The following RNLS variants were observed in gnomAD, a reference collection of about 807,000 sequenced individuals.
The protein encoded by RNLS is renalase.
Under a neutral mutation model 39.8 loss-of-function variants are expected in RNLS, and 39 were observed. That is an observed-to-expected ratio of 0.98 (90% confidence interval 0.76 to 1.28). RNLS has a LOEUF of 1.28. Among genes scored for constraint, RNLS ranks in the 50% most tolerant of loss-of-function variants. The probability of loss-of-function intolerance (pLI) is 0.00; values close to 1 mark genes in which losing one functional copy is unlikely to be tolerated. For missense variants in RNLS, 410 were observed against 413.3 expected (o/e 0.99, Z 0.07); for synonymous variants, 147 against 150.7 (o/e 0.98, Z 0.18).
At chr10:88,261,536 A>C in the RNLS span, among the ~76,000 whole-genome samples, 1 of 152,144 alleles carries the variant, frequency 6.6e-6, no homozygotes, top group Non-Finnish European at 1.5e-5. Flanking sequence ...TTAGATGATT[A>C]TACATGGAAG....
chr10:88,266,136 C>T, the RNLS span, among the ~76,000 whole-genome samples: 1 of 151,898 alleles, frequency 6.6e-6, no homozygotes, highest in African/African-American at 2.4e-5. Context: ...GCTTTTTTAC[C>T]AGGCTGGCTA....
intron 5 of RNLS, among the ~76,000 whole-genome samples, chr10:88,327,352 A>G (rs953195753): frequency 1.3e-5 from 2 of 152,156 alleles, no homozygotes; most frequent in African/African-American, 2.4e-5. Context: ...AGGTGATTGG[A>G]TCATGGGGGT....
Position 88,581,290 on chromosome 10 carries a change from G to GTATATATATATA in RNLS, c.367+276_367+277insTATATATATATA, listed in dbSNP as rs879726063. On this transcript the variant is annotated intron_variant, in intron 3 of 6. Coordinates refer to ENST00000331772, the MANE Select transcript of RNLS (RefSeq NM_001031709.3). ...AAGAAATATATATGTATGTGTGTGT[G>GTATATATATATA]TGTGTATATATATATATATATATAT... Among the ~76,000 whole-genome samples the GTATATATATATA allele has an allele frequency of 3.7e-5, 5 of 135,474 alleles. No homozygotes were observed. The East Asian group carries it at 1.0e-3, about 27-fold the overall frequency. The allele number at this position is 135,474 out of a possible 152,430, so 88.9% of individuals were successfully genotyped here.
At chr10:88,412,987 A>G (rs945574900) in intron 4 of RNLS, among the ~76,000 whole-genome samples, 3 of 152,180 alleles carry the variant, frequency 2.0e-5, no homozygotes, top group Middle Eastern at 3.2e-3. Context: ...TCCAGCCCCA[A>G]AGGAAAAGTA....
intron 4 of RNLS, among the ~76,000 whole-genome samples, chr10:88,438,271 G>T (rs914993911): frequency 1.3e-5 from 2 of 152,138 alleles, no homozygotes; most frequent in East Asian, 1.9e-4. Flanking sequence ...ACACTCTGAC[G>T]ATGGCAGAAG....
At chr10:88,171,767 A>G in the RNLS span, among the ~76,000 whole-genome samples, 3 of 152,182 alleles carry the variant, frequency 2.0e-5, no homozygotes, top group Admixed American at 2.0e-4. Flanking sequence ...CTACAGTGCT[A>G]TAGAACACTG....
chr10:88,302,584 T>C (rs1844607916), intron 6 of RNLS, among the ~76,000 whole-genome samples: 1 of 152,200 alleles, frequency 6.6e-6, no homozygotes, highest in Non-Finnish European at 1.5e-5. Context: ...TTGATTTAAA[T>C]GAGTTAAGTA....
chr10:88,560,004 T>C lies in RNLS; in HGVS notation c.526+12899A>G, dbSNP rs1849085065. ...AGAGTACATGTGATATTTTGATACA[T>C]GTATAAATATGTGATGATCAAATCA... On this transcript the variant is annotated intron_variant, in intron 4 of 6. Coordinates refer to ENST00000331772, the MANE Select transcript of RNLS (RefSeq NM_001031709.3). Among the ~76,000 whole-genome samples, 3 of 152,130 alleles carry C rather than the reference T, an allele frequency of 2.0e-5. No individual in the cohort carries two copies. The South Asian group carries it at 6.2e-4, about 32-fold the overall frequency.
chr10:88,442,690 T>C (rs1346428945), intron 4 of RNLS, among the ~76,000 whole-genome samples: 1 of 152,126 alleles, frequency 6.6e-6, no homozygotes. Context: ...CCCCTGAGGA[T>C]TCTTTTCTTC....
rs773054080 is a variant in RNLS, at chr10:88,382,868, T to G, written c.527-20143A>C. Among the ~76,000 whole-genome samples the G allele has an allele frequency of 2.6e-5, 4 of 152,150 alleles. No individual in the cohort carries two copies. In the South Asian group the frequency reaches 8.3e-4, roughly 32 times the overall value. ...TAGGTGACAACATTTCCAAAAAAACTGAGAGAACACAAATTCTGCACAACC... is the reference window on the plus strand; with the variant it reads ...TAGGTGACAACATTTCCAAAAAAACGGAGAGAACACAAATTCTGCACAACC... On this transcript the variant is annotated intron_variant, in intron 4 of 6. Transcript: ENST00000331772.
intron 4 of RNLS, among the ~76,000 whole-genome samples, chr10:88,364,968 A>AT (rs1299389221): frequency 3.3e-5 from 5 of 152,018 alleles, no homozygotes; most frequent in South Asian, 2.1e-4. Context: ...TAAAACTTTT[A>AT]TTTTTTTTAA....
In RNLS at chr10:88,356,314, C is replaced by T. The variant is rs547017999; in HGVS notation, c.700+6238G>A. The stretch of plus-strand genomic sequence containing the variant: ...CACCTGTCTTCTGCGTTACTCATGC[C>T]GGGAGCTGTAGACTGGAGCTGTTCC... On this transcript the variant is annotated intron_variant, in intron 5 of 6. Coordinates refer to ENST00000331772, the MANE Select transcript of RNLS (RefSeq NM_001031709.3). 7.2e-5 allele frequency among the ~76,000 whole-genome samples: 11 copies of T among 152,268 alleles called. No individual in the cohort carries two copies. In the East Asian group the frequency reaches 9.7e-4, roughly 13 times the overall value.
chr10:88,395,865 C>A (rs928507043), intron 4 of RNLS, among the ~76,000 whole-genome samples: 1 of 151,974 alleles, frequency 6.6e-6, no homozygotes, highest in East Asian at 1.9e-4. Context: ...CATTATGTTC[C>A]AGGGATTCTC....
intron 4 of RNLS, among the ~76,000 whole-genome samples, chr10:88,536,151 G>A (rs1287433919): frequency 6.6e-6 from 1 of 151,908 alleles, no homozygotes; most frequent in African/African-American, 2.4e-5. Context: ...CCATATACTG[G>A]GTATAATAGT....
At chr10:88,261,657 C>T in the RNLS span, among the ~76,000 whole-genome samples, 4 of 152,198 alleles carry the variant, frequency 2.6e-5, no homozygotes, top group Admixed American at 6.5e-5. Flanking sequence ...ATGTCCACTT[C>T]TACCACACCC....
chr10:88,280,261 A>G (rs998087276), downstream of RNLS, among the ~76,000 whole-genome samples: 3 of 152,210 alleles, frequency 2.0e-5, no homozygotes, highest in Non-Finnish European at 2.9e-5. Flanking sequence ...ATGACAAAGG[A>G]AGCTAAGTGA....
intron 4 of RNLS, among the ~76,000 whole-genome samples, chr10:88,566,347 C>A (rs1489865938): frequency 6.6e-6 from 1 of 151,854 alleles, no homozygotes; most frequent in Non-Finnish European, 1.5e-5. Flanking sequence ...GAACACATAC[C>A]TTAACTGAAA....
intron 4 of RNLS, among the ~76,000 whole-genome samples, chr10:88,516,133 C>G (rs1230625117): frequency 6.6e-6 from 1 of 151,972 alleles, no homozygotes; most frequent in Non-Finnish European, 1.5e-5. Flanking sequence ...AGCTCCAGAA[C>G]CGTGAGAAAA....
At chr10:88,315,980 C>A (rs1382930514) in intron 5 of RNLS, among the ~76,000 whole-genome samples, 1 of 152,090 alleles carries the variant, frequency 6.6e-6, no homozygotes, top group Non-Finnish European at 1.5e-5. Context: ...AGGTGTGAGT[C>A]ATGTTTTGTG....
Sources: allele counts gnomAD v4.1 joint callset (sites outside exome capture counted in the v4.1 genomes callset), GRCh38; gene constraint gnomAD v4.1.1; transcripts MANE v1.5; gene names NCBI Gene and HGNC (gene_info 2026-07-23, HGNC 2026-07-21).